The following DHX37 variants were observed in gnomAD, a reference collection of about 807,000 sequenced individuals.
DHX37 encodes the protein probable ATP-dependent RNA helicase DHX37.
DHX37 carries 52 observed loss-of-function variants against 134.3 expected under a neutral mutation model. The ratio of observed to expected loss-of-function variants is 0.39; its 90% CI spans 0.31 to 0.49. DHX37 has a LOEUF of 0.49. Ranked by LOEUF, DHX37 falls within the 20% of genes least tolerant of loss-of-function variation. DHX37 has a pLI of 0.93. For missense variants in DHX37, 1,344 were observed against 1,580.8 expected (o/e 0.85, Z 2.54); for synonymous variants, 634 against 670.7 (o/e 0.95, Z 0.85).
chr12:124,981,131 C>G (rs1028101418), intron 3 of DHX37, among the ~76,000 whole-genome samples: 2 of 152,176 alleles, frequency 1.3e-5, no homozygotes, highest in African/African-American at 4.8e-5. Flanking sequence ...CACAGATGCA[C>G]TCGCCTGATG....
intron 6 of DHX37, among the ~76,000 whole-genome samples, chr12:124,973,261 C>T (rs1408255505): frequency 6.6e-6 from 1 of 151,992 alleles, no homozygotes; most frequent in African/African-American, 2.4e-5. Flanking sequence ...CTACTAAATA[C>T]AAAAATTAGC....
At chr12:124,973,101 C>T (rs1047781424) in intron 6 of DHX37, among the ~76,000 whole-genome samples, 4 of 152,164 alleles carry the variant, frequency 2.6e-5, no homozygotes, top group Non-Finnish European at 2.9e-5. Flanking sequence ...AAGATGGCAC[C>T]ACTGCACTCC....
chr12:124,985,513 G>C (rs1565895781), intron 2 of DHX37, among the ~76,000 whole-genome samples: 1 of 150,200 alleles, frequency 6.7e-6, no homozygotes, highest in Admixed American at 6.7e-5. Context: ...GAGGCGGGCG[G>C]ATCACGAGGT....
chr12:124,954,342 A>G (rs1954044803), intron 18 of DHX37, 131 bp from the exon 19 acceptor site: 2 of 1,354,196 alleles, frequency 1.5e-6, no homozygotes, highest in East Asian at 5.0e-5. Flanking sequence ...TAATTAAGGT[A>G]TTAAGGTCCA....
Position 124,966,929 on chromosome 12 carries a change from C to CCAGCA in DHX37, c.1505-56_1505-52dup, listed in dbSNP as rs1349226251. Reference sequence around the variant, plus strand: ...AAGGCGTCTGTGGCCGGCGTGGTCGCCAGCACACTGCCCTTTGTTGTTCAA... The same window carrying CCAGCA: ...AAGGCGTCTGTGGCCGGCGTGGTCGCCAGCACAGCACACTGCCCTTTGTTGTTCAA... On this transcript the variant is annotated intron_variant, in intron 11 of 26. Transcript: ENST00000308736. 1.9e-6 allele frequency: 3 copies of CCAGCA among 1,608,886 alleles called. No individual in the cohort carries two copies. The African/African-American group carries it at 4.0e-5, about 22-fold the overall frequency.
intron 15 of DHX37, among the ~76,000 whole-genome samples, chr12:124,962,072 G>A (rs1243468594): frequency 6.6e-6 from 1 of 152,178 alleles, no homozygotes; most frequent in Non-Finnish European, 1.5e-5. Context: ...GCCAGGCACA[G>A]TGCCACGTGC....
Position 124,954,009 on chromosome 12 carries a change from G to A in DHX37, c.2579-13C>T. 1.9e-6 allele frequency: 3 copies of A among 1,613,652 alleles called. No homozygotes were observed. The highest frequency in any genetic ancestry group is 2.5e-6 in the Non-Finnish European group (3 of 1,179,962). On this transcript the variant is annotated splice_polypyrimidine_tract_variant and intron_variant, in intron 19 of 26. Coordinates refer to ENST00000308736, the MANE Select transcript of DHX37 (RefSeq NM_032656.4). Reference sequence around the variant, plus strand: ...GCTCCCACGGCGCCTGGGGAACGAAGAGGGGGCATGCTCTCTCTCTGACCC... The same window carrying A: ...GCTCCCACGGCGCCTGGGGAACGAAAAGGGGGCATGCTCTCTCTCTGACCC...
chr12:124,960,323 T>C lies in DHX37; in HGVS notation c.2146A>G (p.Asn716Asp). 6.2e-7 allele frequency: 1 copy of C among 1,613,596 alleles called. No individual in the cohort carries two copies. The highest frequency in any genetic ancestry group is 8.5e-7 in the Non-Finnish European group (1 of 1,179,614). Residue 716 changes from asparagine to aspartate, a missense_variant, in exon 16 of 27, where the codon AAC becomes GAC. Physicochemically the swap from Asn to Asp is conservative, Grantham distance 23. Coordinates refer to ENST00000308736, the MANE Select transcript of DHX37 (RefSeq NM_032656.4). ...GGGCAGCAACTGACCTTTTCAACGT[T>C]GAGCGCCTTCATTTGAAGGATTAAG... ...EDLILQMKAL[N>D]VEKVINFPFP...
intron 5 of DHX37, among the ~76,000 whole-genome samples, 193 bp from the exon 6 acceptor site, chr12:124,975,704 G>C (rs564173929): frequency 6.6e-6 from 1 of 152,144 alleles, no homozygotes; most frequent in Non-Finnish European, 1.5e-5. Flanking sequence ...AAAACGGTTC[G>C]ACATTCACCA....
intron 14 of DHX37, 78 bp from the exon 15 acceptor site, chr12:124,964,704 C>A: frequency 6.4e-7 from 1 of 1,570,944 alleles, no homozygotes; most frequent in Non-Finnish European, 8.6e-7. Flanking sequence ...AAGGACAAAG[C>A]CAGCCAGGCT....
rs891042037 is a variant in DHX37, at chr12:124,948,157, A to C, written c.3315T>G (p.Leu1105=). The C allele has an allele frequency of 5.0e-6, 8 of 1,614,168 alleles. No homozygotes were observed. The highest frequency in any genetic ancestry group is 6.8e-6 in the Non-Finnish European group (8 of 1,180,024). ...CCTTCTCTGCAACCAGGGCTCGCAG[A>C]AGGCTCTCCGTACGGGGCTGCAGCC... The part of the protein sequence containing the change: ...WARLQPRTES[L]LRALVAEKAD... The change falls in exon 26 of 27, where the codon CTT becomes CTG. Residue 1105 remains leucine (L), a synonymous_variant. Transcript: ENST00000308736.
chr12:124,985,181 C>A (rs1954841656), intron 2 of DHX37, among the ~76,000 whole-genome samples: 1 of 152,092 alleles, frequency 6.6e-6, no homozygotes, highest in African/African-American at 2.4e-5. Context: ...TTGTCCTAAG[C>A]CCCTCAGTTT....
chr12:124,971,210 C>A, intron 8 of DHX37, 92 bp downstream of exon 8: 1 of 1,528,920 alleles, frequency 6.5e-7, no homozygotes. Flanking sequence ...GCCCAGGGTA[C>A]AACGGGGAAC....
In DHX37 at chr12:124,988,882, CTCCGAAA is replaced by C. The variant is rs201750307; in HGVS notation, c.106+28_106+34del. On this transcript the variant is annotated intron_variant, in intron 1 of 26. Coordinates refer to ENST00000308736, the MANE Select transcript of DHX37 (RefSeq NM_032656.4). ...CAGGGCACAGGCCGCCCTGGGAAAT[CTCCGAAA>C]TCCAGCCCCGGTCCGGGGATGTCTT... 1,366 of 1,281,566 alleles carry C rather than the reference CTCCGAAA, an allele frequency of 1.1e-3. 10 individuals are homozygous for C. The African/African-American group carries it at 0.019, about 18-fold the overall frequency. The allele number at this position is 1,281,566 out of a possible 1,614,324, so 79.4% of individuals were successfully genotyped here.
At chr12:124,958,967 C>A (rs112386332) in intron 16 of DHX37, among the ~76,000 whole-genome samples, 1 of 145,022 alleles carries the variant, frequency 6.9e-6, no homozygotes, top group Non-Finnish European at 1.5e-5. Flanking sequence ...TGGAGTGCAA[C>A]GGCATGATCT....
intron 12 of DHX37, 83 bp from the exon 13 acceptor site, chr12:124,965,895 C>T: frequency 1.2e-5 from 18 of 1,527,554 alleles, no homozygotes; most frequent in East Asian, 2.3e-5. Context: ...CAGGTGCCCT[C>T]GCATGGAAGC....
Position 124,950,134 on chromosome 12 carries a change from C to T in DHX37, c.3216+15G>A, listed in dbSNP as rs373116364. 9.0e-5 allele frequency: 145 copies of T among 1,613,956 alleles called. 1 individual carries two copies. Among genetic ancestry groups the T allele is most frequent in the Middle Eastern group, 4.9e-4 (3 of 6,062 alleles). The stretch of plus-strand genomic sequence containing the variant: ...GGTACCCGAGATGAGGGTCTGGAGC[C>T]GCTGTGCCACCTACCTGCCCTTCCA... On this transcript the variant is annotated intron_variant, in intron 24 of 26. Coordinates refer to ENST00000308736, the MANE Select transcript of DHX37 (RefSeq NM_032656.4).
intron 21 of DHX37, among the ~76,000 whole-genome samples, chr12:124,951,424 C>T (rs1482988091): frequency 2.0e-5 from 3 of 152,112 alleles, no homozygotes; most frequent in Non-Finnish European, 2.9e-5. Context: ...ACAGGCAGAT[C>T]CACAGATGGA....
intron 6 of DHX37, 62 bp downstream of exon 6, chr12:124,975,357 C>A: frequency 1.3e-6 from 2 of 1,562,374 alleles, no homozygotes; most frequent in South Asian, 1.1e-5. Context: ...CCTGGGCTTC[C>A]CACATCTGGG....
Sources: allele counts gnomAD v4.1 joint callset (sites outside exome capture counted in the v4.1 genomes callset), GRCh38; gene constraint gnomAD v4.1.1; transcripts MANE v1.5; gene names NCBI Gene and HGNC (gene_info 2026-07-23, HGNC 2026-07-21).